The following DPP10 variants were observed in gnomAD, a reference collection of about 807,000 sequenced individuals.
DPP10 encodes the protein dipeptidyl peptidase like 10, also known as inactive dipeptidyl peptidase 10.
A neutral mutation model predicts 120.9 loss-of-function variants in DPP10; 33 were observed. The observed-to-expected ratio is 0.27, with a 90% confidence interval of 0.21 to 0.37. The LOEUF is 0.37. Ranked by LOEUF, DPP10 falls within the 10% of genes least tolerant of loss-of-function variation. DPP10 has a pLI of 1.00. For missense variants in DPP10, 816 were observed against 942.8 expected (o/e 0.87, Z 1.76); for synonymous variants, 337 against 326.1 (o/e 1.03, Z -0.36).
chr2:115,749,747 A>G (rs1029674781), intron 10 of DPP10, among the ~76,000 whole-genome samples: 8 of 152,226 alleles, frequency 5.3e-5, no homozygotes, highest in Admixed American at 5.2e-4. Context: ...ATTATCTAGA[A>G]GAAAATGAGC....
At chr2:115,746,524 C>T (rs1485607323) in intron 10 of DPP10, among the ~76,000 whole-genome samples, 1 of 152,080 alleles carries the variant, frequency 6.6e-6, no homozygotes, top group African/African-American at 2.4e-5. Flanking sequence ...TGAAGGTGTT[C>T]ATTAAAAGTG....
intron 21 of DPP10, among the ~76,000 whole-genome samples, chr2:115,819,787 A>C (rs1328836403): frequency 6.6e-6 from 1 of 152,088 alleles, no homozygotes; most frequent in East Asian, 1.9e-4. Flanking sequence ...TGAGGTTGGG[A>C]GTTCGAGACC....
rs1211993435 is a variant in DPP10 at position 115,791,356 on chromosome 2, T to C, written c.1700T>C (p.Met567Thr). 3.8e-6 allele frequency: 6 copies of C among 1,595,470 alleles called. No homozygotes were observed. Among genetic ancestry groups the C allele is most frequent in the Non-Finnish European group, 5.1e-6 (6 of 1,173,028 alleles). The change falls in exon 19 of 26, where the codon ATG (methionine) becomes ACG (threonine). Residue 567 changes from methionine (M) to threonine (T), a missense_variant and splice_region_variant. Coordinates refer to ENST00000410059, the MANE Select transcript of DPP10 (RefSeq NM_020868.6). ...DRNQYALLLI[M>T]DEEPGGQLVT... ...AACCAGTATGCTCTTCTGTTAATAA[T>C]GTAAGTATTTTATTTGTTTTTAAAA...
chr2:114,750,703 C>T (rs537075900), intron 1 of DPP10, among the ~76,000 whole-genome samples: 1 of 152,304 alleles, frequency 6.6e-6, no homozygotes, highest in African/African-American at 2.4e-5. Flanking sequence ...TGGGTAGATG[C>T]CAGCCAGCCT....
intron 1 of DPP10, among the ~76,000 whole-genome samples, chr2:114,808,662 G>A (rs1684939953): frequency 6.6e-6 from 1 of 151,200 alleles, no homozygotes; most frequent in Non-Finnish European, 1.5e-5. Context: ...ACTTCTCTGT[G>A]GACTTATCTT....
intron 1 of DPP10, among the ~76,000 whole-genome samples, chr2:114,601,391 T>C (rs919034560): frequency 1.3e-5 from 2 of 151,982 alleles, no homozygotes; most frequent in Admixed American, 6.6e-5. Flanking sequence ...TCTCATGTTC[T>C]TTCTGTAAGG....
chr2:115,707,330 A>G (rs2092150156), intron 7 of DPP10, among the ~76,000 whole-genome samples: 1 of 151,810 alleles, frequency 6.6e-6, no homozygotes, highest in Non-Finnish European at 1.5e-5. Context: ...ACTGGGCCAT[A>G]AAACAAGTAT....
chr2:114,878,750 A>G (rs919208528), intron 1 of DPP10, among the ~76,000 whole-genome samples: 24 of 152,230 alleles, frequency 1.6e-4, no homozygotes, highest in Admixed American at 3.3e-4. Flanking sequence ...ATGTTGCTGC[A>G]AATGAAAGGA....
chr2:115,592,723 T>C (rs957106640), intron 5 of DPP10, among the ~76,000 whole-genome samples: 1 of 151,786 alleles, frequency 6.6e-6, no homozygotes, highest in African/African-American at 2.4e-5. Flanking sequence ...GCCACTGCAC[T>C]CCAGCCTGGT....
intron 12 of DPP10, among the ~76,000 whole-genome samples, chr2:115,764,750 A>G (rs980901472): frequency 1.3e-5 from 2 of 152,262 alleles, no homozygotes; most frequent in African/African-American, 4.8e-5. Context: ...CGTTTATCAC[A>G]GTTGATTTTT....
intron 1 of DPP10, among the ~76,000 whole-genome samples, chr2:114,843,267 A>G (rs1328245191): frequency 6.6e-6 from 1 of 152,134 alleles, no homozygotes; most frequent in Non-Finnish European, 1.5e-5. Flanking sequence ...AACAAAGTTC[A>G]TAGGACTTCT....
intron 1 of DPP10, among the ~76,000 whole-genome samples, chr2:114,606,912 G>A (rs1006728213): frequency 9.9e-5 from 15 of 152,170 alleles, no homozygotes; most frequent in Admixed American, 7.2e-4. Context: ...TATAAATTGT[G>A]AGAATAATCA....
At chr2:115,598,605 A>T (rs1016474303) in intron 5 of DPP10, among the ~76,000 whole-genome samples, 8 of 151,988 alleles carry the variant, frequency 5.3e-5, no homozygotes, top group African/African-American at 9.7e-5. Flanking sequence ...TACAGTTGCC[A>T]TCTGAATTAA....
intron 4 of DPP10, among the ~76,000 whole-genome samples, chr2:115,521,820 C>G (rs929506934): frequency 2.0e-5 from 3 of 152,114 alleles, no homozygotes; most frequent in Admixed American, 2.0e-4. Flanking sequence ...TTGCTTCTTT[C>G]TTGGCTTTCA....
intron 1 of DPP10, among the ~76,000 whole-genome samples, chr2:114,958,321 T>C (rs1006566015): frequency 6.6e-6 from 1 of 152,154 alleles, no homozygotes; most frequent in African/African-American, 2.4e-5. Flanking sequence ...GTTTTCAATC[T>C]TGTCTACCTA....
chr2:114,586,193 G>T (rs1013176567), intron 1 of DPP10, among the ~76,000 whole-genome samples: 4 of 152,192 alleles, frequency 2.6e-5, no homozygotes, highest in Non-Finnish European at 4.4e-5. Context: ...CGAGGCTCCA[G>T]TGAGCTGGGA....
In DPP10 at chr2:114,543,542, C is replaced by CT. The variant is rs1363424583; in HGVS notation, c.60+100711dup. ...CTCCTGGTGACCAAATAAAGCCATACTTTTTTTGCTGTCTTTGGAAATATT... is the reference window on the plus strand; with the variant it reads ...CTCCTGGTGACCAAATAAAGCCATACTTTTTTTTGCTGTCTTTGGAAATATT... On this transcript the variant is annotated intron_variant, in intron 1 of 25. Coordinates refer to ENST00000410059, the MANE Select transcript of DPP10 (RefSeq NM_020868.6). 7.9e-5 allele frequency among the ~76,000 whole-genome samples: 12 copies of CT among 152,308 alleles called. No individual in the cohort carries two copies. In the East Asian group the frequency reaches 2.1e-3, roughly 27 times the overall value.
At chr2:114,455,414 T>C (rs1678515759) in intron 1 of DPP10, among the ~76,000 whole-genome samples, 1 of 151,878 alleles carries the variant, frequency 6.6e-6, no homozygotes, top group Admixed American at 6.6e-5. Flanking sequence ...GCGTGGTGTC[T>C]CACGCCTGTA....
chr2:115,222,645 A>G (rs1032125997), intron 1 of DPP10, among the ~76,000 whole-genome samples: 3 of 152,170 alleles, frequency 2.0e-5, no homozygotes, highest in Non-Finnish European at 2.9e-5. Flanking sequence ...CAGCAGCATG[A>G]AAATGGACAA....
Sources: gnomAD v4.1 joint callset for allele counts (sites outside exome capture counted in the v4.1 genomes callset) on GRCh38, gnomAD v4.1.1 for gene constraint, MANE v1.5 for transcripts, NCBI Gene and HGNC (gene_info 2026-07-23, HGNC 2026-07-21) for gene names.